The following CLIP1 variants were observed in gnomAD, a reference collection of about 807,000 sequenced individuals.
CLIP1 encodes CAP-Gly domain-containing linker protein 1.
Under a neutral mutation model 161.6 loss-of-function variants are expected in CLIP1, and 66 were observed. The ratio of observed to expected loss-of-function variants is 0.41; its 90% CI spans 0.33 to 0.50. The LOEUF is 0.50. Among genes scored for constraint, CLIP1 ranks in the 20% least tolerant of loss-of-function variants. The pLI, the probability that CLIP1 is intolerant of heterozygous loss-of-function variation, is 0.27. For synonymous variants in CLIP1, 598 were observed against 626.2 expected (o/e 0.96, Z 0.67); for missense variants, 1,376 against 1,702.0 (o/e 0.81, Z 3.37).
chr12:122,279,058 C>T lies in CLIP1; in HGVS notation c.3735G>A (p.Lys1245=), dbSNP rs1276597352. Residue 1245 remains lysine (K), a synonymous_variant, in exon 22 of 26, where the codon AAG becomes AAA. Transcript: ENST00000620786. This position sits in a 1 kb window ranked among gnomAD's most constrained non-coding sequence, Gnocchi z 4.5. ...ISITSALLTE[K]DAELEKLRNE... ...TTCTCAGTTTCTCCAGCTCGGCATCCTTTTCTGTGAGTAAGGCACTAGTTA... is the reference window on the plus strand; with the variant it reads ...TTCTCAGTTTCTCCAGCTCGGCATCTTTTTCTGTGAGTAAGGCACTAGTTA... 3 of 1,613,108 alleles carry T rather than the reference C, an allele frequency of 1.9e-6. No individual in the cohort carries two copies.
intron 1 of CLIP1, among the ~76,000 whole-genome samples, chr12:122,390,877 T>TC (rs1184237830): frequency 1.3e-5 from 2 of 151,990 alleles, no homozygotes; most frequent in African/African-American, 4.8e-5. Context: ...TTGCTTGTAC[T>TC]CCCTCGAATA....
chr12:122,276,625 C>A, intron 24 of CLIP1: 1 of 429,554 alleles, frequency 2.3e-6, no homozygotes, highest in Non-Finnish European at 3.7e-6. Flanking sequence ...TGTCTGGCAA[C>A]TAACATCTCA....
intron 20 of CLIP1, among the ~76,000 whole-genome samples, chr12:122,302,584 A>T (rs1950725743): frequency 6.6e-6 from 1 of 151,900 alleles, no homozygotes; most frequent in African/African-American, 2.4e-5. Flanking sequence ...GTATCTCCTA[A>T]TACTTACACA....
intron 7 of CLIP1, among the ~76,000 whole-genome samples, chr12:122,353,206 G>A (rs987185840): frequency 6.6e-6 from 1 of 152,158 alleles, no homozygotes; most frequent in Non-Finnish European, 1.5e-5. Flanking sequence ...TTAGCCAGGT[G>A]TGGCAGCGTG....
chr12:122,361,737 A>C (rs1279840190), intron 4 of CLIP1, among the ~76,000 whole-genome samples: 2 of 152,138 alleles, frequency 1.3e-5, no homozygotes, highest in Non-Finnish European at 2.9e-5. Flanking sequence ...ATGGTGGTGC[A>C]GGAGGCTCTC....
chr12:122,361,885 T>C (rs1022977890), intron 4 of CLIP1, among the ~76,000 whole-genome samples: 10 of 151,894 alleles, frequency 6.6e-5, no homozygotes, highest in African/African-American at 2.2e-4. Context: ...CAGATATCAC[T>C]ACAAAAGAAG....
intron 20 of CLIP1, among the ~76,000 whole-genome samples, chr12:122,301,849 C>T (rs1227177942): frequency 6.6e-6 from 1 of 152,182 alleles, no homozygotes; most frequent in Non-Finnish European, 1.5e-5. Context: ...CATCAAGTGG[C>T]TCCTTTTCAG....
At chr12:122,422,155 C>T (rs1373268110) in intron 1 of CLIP1, among the ~76,000 whole-genome samples, 3 of 152,132 alleles carry the variant, frequency 2.0e-5, no homozygotes, top group Non-Finnish European at 2.9e-5. Context: ...CCCACATCCG[C>T]CCCGGGGCCC....
chr12:122,332,997 G>C lies in CLIP1; in HGVS notation c.2857C>G (p.Leu953Val). ...QLTKMNDELR[L>V]KERDVEELQL... The stretch of plus-strand genomic sequence containing the variant: ...AACAGTCACATATACCTTTCTTTCA[G>C]ACGTAATTCATCGTTCATTTTTGTC... The change falls in exon 15 of 26, where the codon CTG becomes GTG. Residue 953 changes from leucine (L) to valine (V), a missense_variant. This residue lies in a region of CLIP1 where 948 missense variants were observed against 1,134.8 expected (regional missense o/e 0.84). Transcript: ENST00000620786. 2 of 1,613,302 alleles carry C rather than the reference G, an allele frequency of 1.2e-6. No homozygotes were observed. Among genetic ancestry groups the C allele is most frequent in the East Asian group, 2.2e-5 (1 of 44,842 alleles).
In CLIP1 at chr12:122,341,494, T is replaced by C. The variant is rs373824541; in HGVS notation, c.1710A>G (p.Ile570Met). ...EVTRTDHQRE[I>M]TSLKEHFGAR... ...CTCCAAAATGCTCCTTCAGAGAAGT[T>C]ATTTCTCTCTGGTGGTCAGTACGGG... The change falls in exon 11 of 26, where the codon ATA becomes ATG. Residue 570 changes from isoleucine (I) to methionine (M), a missense_variant. By Grantham distance (10) the Ile-to-Met change is conservative. Around this residue, in one of 6 missense-constraint regions of CLIP1, gnomAD observed 948 missense variants for 1,134.8 expected, o/e 0.84. Transcript: ENST00000620786. The C allele has an allele frequency of 6.9e-5, 112 of 1,613,744 alleles. No homozygotes were observed. Among genetic ancestry groups the C allele is most frequent in the Non-Finnish European group, 9.0e-5 (106 of 1,179,838 alleles).
intron 10 of CLIP1, among the ~76,000 whole-genome samples, chr12:122,345,846 C>T (rs575388022): frequency 1.3e-5 from 2 of 151,364 alleles, no homozygotes; most frequent in South Asian, 2.1e-4. Context: ...AGTGCAATGG[C>T]GTGATCTCGG....
chr12:122,280,617 T>G (rs1049508505), intron 21 of CLIP1: 2 of 152,182 alleles, frequency 1.3e-5, no homozygotes, highest in African/African-American at 4.8e-5. Context: ...TTTTGATGAG[T>G]GTGCCGGGGC....
At chr12:122,370,695 T>C (rs1954399398) in intron 3 of CLIP1, among the ~76,000 whole-genome samples, 1 of 152,134 alleles carries the variant, frequency 6.6e-6, no homozygotes, top group Non-Finnish European at 1.5e-5. Flanking sequence ...AATAGACGCT[T>C]TGGCTAAAAG....
chr12:122,288,038 C>CTT (rs544838998), intron 21 of CLIP1, among the ~76,000 whole-genome samples: 2 of 144,706 alleles, frequency 1.4e-5, no homozygotes, highest in African/African-American at 2.5e-5. Flanking sequence ...TTCTCTTTTT[C>CTT]TTTTTTTTTT....
intron 24 of CLIP1, chr12:122,276,437 A>G (rs752449170): frequency 8.3e-5 from 107 of 1,283,460 alleles, no homozygotes; most frequent in Non-Finnish European, 1.6e-5. Context: ...CATGAAACGA[A>G]CCATTTGCTG....
chr12:122,394,081 G>A (rs1379086468), intron 1 of CLIP1, among the ~76,000 whole-genome samples: 1 of 152,052 alleles, frequency 6.6e-6, no homozygotes, highest in Non-Finnish European at 1.5e-5. Context: ...TGCTTTATGG[G>A]TGCAAAGCAA....
At chr12:122,334,594 T>C in intron 13 of CLIP1, 54 bp downstream of exon 13, 2 of 1,198,112 alleles carry the variant, frequency 1.7e-6, no homozygotes, top group East Asian at 2.5e-5. Flanking sequence ...TCAGCTCCAG[T>C]ATGAAAGAAT....
intron 20 of CLIP1, among the ~76,000 whole-genome samples, chr12:122,307,171 G>C (rs1355676455): frequency 6.6e-6 from 1 of 151,734 alleles, no homozygotes. Context: ...ACCATGCCTG[G>C]TTAATTTTTG....
intron 1 of CLIP1, among the ~76,000 whole-genome samples, chr12:122,411,838 C>T (rs7974262): frequency 0.2 from 30,876 of 151,762 alleles, 3,532 homozygotes; most frequent in Admixed American, 0.27. Context: ...TATATTAAAA[C>T]TTACTTTTCC....
Sources: allele counts gnomAD v4.1 joint callset (sites outside exome capture counted in the v4.1 genomes callset), GRCh38; gene constraint gnomAD v4.1.1; regional missense constraint gnomAD v4.1.1; non-coding constraint Gnocchi (gnomAD v3.1); transcripts MANE v1.5; gene names NCBI Gene and HGNC (gene_info 2026-07-23, HGNC 2026-07-21).